TNR: variants seen among roughly 807,000 people sequenced by gnomAD.
TNR encodes the protein tenascin-R.
TNR carries 45 observed loss-of-function variants against 150.4 expected under a neutral mutation model. That is an observed-to-expected ratio of 0.30 (90% CI 0.24 to 0.38). The LOEUF (loss-of-function observed/expected upper bound fraction) is 0.38. Ranked by LOEUF, TNR falls within the 10% of genes least tolerant of loss-of-function variation. TNR has a pLI of 1.00. For synonymous variants in TNR, 687 were observed against 678.4 expected (o/e 1.01, Z -0.20); for missense variants, 1,544 against 1,759.1 (o/e 0.88, Z 2.19).
Position 175,321,932 on chromosome 1 carries a change from G to A in TNR, c.*1425C>T, listed in dbSNP as rs1649074099. The A allele has an allele frequency of 6.6e-6, 1 of 152,120 alleles. No homozygotes were observed. Among genetic ancestry groups the A allele is most frequent in the Non-Finnish European group, 1.5e-5 (1 of 68,022 alleles). 9.4% of individuals were successfully genotyped at this position (152,120 alleles called of 1,614,324 possible). A position where few individuals can be genotyped will look rare whatever the true frequency, so the allele number is the denominator to read the frequency against. The stretch of plus-strand genomic sequence containing the variant: ...TTATCAGTCAGGGGTATAGCTCTCT[G>A]GGCATATACCTTCTTCTCCTGACTC... On this transcript the variant is annotated 3_prime_UTR_variant, in exon 23 of 23. Transcript: ENST00000367674.
rs1478391093 is a variant in TNR, at chr1:175,599,186, G to A, written c.-164-70817C>T. ...GAGGGAGGAAGGAGAGCAGGAGGGAGGGGAAGCTGTCCCCAGCTGCCAGAT... is the reference window on the plus strand; with the variant it reads ...GAGGGAGGAAGGAGAGCAGGAGGGAAGGGAAGCTGTCCCCAGCTGCCAGAT... On this transcript the variant is annotated intron_variant, in intron 1 of 22. Transcript: ENST00000367674. The surrounding 1 kb of genome is among the most constrained non-coding windows in gnomAD (Gnocchi z 4.7). Among the ~76,000 whole-genome samples the A allele has an allele frequency of 6.6e-6, 1 of 152,198 alleles. No individual in the cohort carries two copies. The highest frequency in any genetic ancestry group is 1.9e-4 in the East Asian group (1 of 5,180).
Position 175,385,648 on chromosome 1 carries a change from T to G in TNR, c.1777+384A>C, listed in dbSNP as rs970630140. On this transcript the variant is annotated intron_variant, in intron 8 of 22. Coordinates refer to ENST00000367674, the MANE Select transcript of TNR (RefSeq NM_003285.3). ...TAATTTCCAGCAAATGGTAAGAATGTGTCTTGAGAAAGAGACACCTTTCCT... is the reference window on the plus strand; with the variant it reads ...TAATTTCCAGCAAATGGTAAGAATGGGTCTTGAGAAAGAGACACCTTTCCT... Among the ~76,000 whole-genome samples, 5 of 152,212 alleles carry G rather than the reference T, an allele frequency of 3.3e-5. No individual in the cohort carries two copies. In the East Asian group the frequency reaches 9.6e-4, roughly 29 times the overall value.
intron 1 of TNR, among the ~76,000 whole-genome samples, chr1:175,611,522 T>C (rs1191557365): frequency 6.6e-6 from 1 of 152,106 alleles, no homozygotes; most frequent in Non-Finnish European, 1.5e-5. Context: ...TTTAAAGAGA[T>C]GGGGTCTTGC....
At chr1:175,594,683 C>T (rs949479186) in intron 1 of TNR, among the ~76,000 whole-genome samples, 1 of 151,276 alleles carries the variant, frequency 6.6e-6, no homozygotes, top group African/African-American at 2.4e-5. Flanking sequence ...AGCAAATCCC[C>T]ATCTCTACAA....
chr1:175,630,999 TAA>T (rs1259776823), intron 1 of TNR, among the ~76,000 whole-genome samples: 2 of 152,112 alleles, frequency 1.3e-5, no homozygotes, highest in South Asian at 2.1e-4. Flanking sequence ...TCACAAAAAA[TAA>T]AAAGACTGGT....
chr1:175,512,685 A>G (rs967113766), intron 2 of TNR, among the ~76,000 whole-genome samples: 7 of 152,248 alleles, frequency 4.6e-5, no homozygotes, highest in Non-Finnish European at 1.0e-4. Context: ...TGCAGAGTCC[A>G]TCACATGCAT....
At chr1:175,328,325 G>C (rs1008518927) in intron 21 of TNR, among the ~76,000 whole-genome samples, 1 of 152,190 alleles carries the variant, frequency 6.6e-6, no homozygotes, top group Non-Finnish European at 1.5e-5. Context: ...TCTGATCCAA[G>C]TAGCATCCTA....
At chr1:175,480,278 G>A (rs1010911748) in intron 2 of TNR, among the ~76,000 whole-genome samples, 1 of 148,460 alleles carries the variant, frequency 6.7e-6, no homozygotes, top group Non-Finnish European at 1.5e-5. Flanking sequence ...ATGAGCAGAG[G>A]GAGGGCTGGA....
Position 175,331,070 on chromosome 1 carries a change from T to C in TNR, c.3632-835A>G, listed in dbSNP as rs201970194. On this transcript the variant is annotated intron_variant, in intron 20 of 22. Coordinates refer to ENST00000367674, the MANE Select transcript of TNR (RefSeq NM_003285.3). ...CTTTCTTTCTTTCTTTCTTTCTTTCTTTCTTTCCTTCTTTCTTTCTTTCTT... is the reference window on the plus strand; with the variant it reads ...CTTTCTTTCTTTCTTTCTTTCTTTCCTTCTTTCCTTCTTTCTTTCTTTCTT... Among the ~76,000 whole-genome samples, 619 of 113,510 alleles carry C rather than the reference T, an allele frequency of 5.5e-3. 5 individuals are homozygous for C. The highest frequency in any genetic ancestry group is 0.012 in the African/African-American group (320 of 26,824). 74.5% of individuals were successfully genotyped at this position (113,510 alleles called of 152,430 possible).
At chr1:175,563,652 T>C (rs1661521100) in intron 1 of TNR, among the ~76,000 whole-genome samples, 1 of 152,224 alleles carries the variant, frequency 6.6e-6, no homozygotes, top group Admixed American at 6.5e-5. Context: ...TACTAAGCTC[T>C]TTTGGCCCAA....
At chr1:175,431,528 G>C (rs930927671) in intron 2 of TNR, among the ~76,000 whole-genome samples, 2 of 152,112 alleles carry the variant, frequency 1.3e-5, no homozygotes, top group African/African-American at 4.8e-5. Flanking sequence ...GGTTGAACTA[G>C]CATCCAATCA....
intron 6 of TNR, among the ~76,000 whole-genome samples, chr1:175,393,290 A>T (rs993992378): frequency 3.3e-5 from 5 of 152,214 alleles, no homozygotes; most frequent in Non-Finnish European, 7.3e-5. Context: ...AATCCAGGAG[A>T]GCCAAGGTGT....
chr1:175,545,082 A>C (rs6669285), intron 1 of TNR, among the ~76,000 whole-genome samples: 103,215 of 152,066 alleles, frequency 0.68, 35,244 homozygotes, highest in Admixed American at 0.72. Flanking sequence ...AAAGGAAAAC[A>C]TTTATTGTCG....
At chr1:175,492,484 G>A (rs1057072575) in intron 2 of TNR, among the ~76,000 whole-genome samples, 41 of 152,174 alleles carry the variant, frequency 2.7e-4, no homozygotes, top group Admixed American at 2.4e-3. Flanking sequence ...TCTAACAAAG[G>A]TTTTCTGAGC....
intron 9 of TNR, among the ~76,000 whole-genome samples, chr1:175,376,879 T>TACAC (rs1553211474): frequency 4.1e-5 from 6 of 146,544 alleles, no homozygotes; most frequent in South Asian, 2.1e-4. Flanking sequence ...TATATATATA[T>TACAC]ACACATATAT....
At chr1:175,586,908 G>C (rs1662598446) in intron 1 of TNR, among the ~76,000 whole-genome samples, 1 of 152,200 alleles carries the variant, frequency 6.6e-6, no homozygotes, top group African/African-American at 2.4e-5. Context: ...GGGCATGTCA[G>C]CTCTTTCCTT....
chr1:175,440,692 T>G (rs2097462), intron 2 of TNR, among the ~76,000 whole-genome samples: 75,637 of 151,732 alleles, frequency 0.5, 20,690 homozygotes, highest in African/African-American at 0.73. Flanking sequence ...CATGTTTCAG[T>G]GTCGGGGGAG....
In TNR at chr1:175,337,258, G is replaced by A. The variant is rs1650294561; in HGVS notation, c.3534+270C>T. Among the ~76,000 whole-genome samples the A allele has an allele frequency of 2.0e-5, 3 of 152,154 alleles. No homozygotes were observed. In the South Asian group the frequency reaches 6.2e-4, roughly 32 times the overall value. On this transcript the variant is annotated intron_variant, in intron 19 of 22. Transcript: ENST00000367674. ...AGATCCTTGGGCCCAACAGACCCGC[G>A]ACTGCCTTTCCCCAGCACTCTCCTG...
intron 18 of TNR, among the ~76,000 whole-genome samples, chr1:175,339,804 C>T (rs552984637): frequency 6.6e-6 from 1 of 152,206 alleles, no homozygotes; most frequent in Non-Finnish European, 1.5e-5. Flanking sequence ...CATCTCCCCA[C>T]AAATCTCAAA....
Sources: allele counts gnomAD v4.1 joint callset (sites outside exome capture counted in the v4.1 genomes callset), GRCh38; gene constraint gnomAD v4.1.1; non-coding constraint Gnocchi (gnomAD v3.1); transcripts MANE v1.5; gene names NCBI Gene and HGNC (gene_info 2026-07-23, HGNC 2026-07-21).